The following CCR3 variants were observed in gnomAD, a reference collection of about 807,000 sequenced individuals.
CCR3 encodes the protein C-C motif chemokine receptor 3, also known as C-C chemokine receptor type 3.
For synonymous variants in CCR3, 203 were observed against 179.2 expected (o/e 1.13, Z -1.06); for missense variants, 419 against 437.5 (o/e 0.96, Z 0.38).
At chr3:46,220,136 A>T (rs1462902867) in intron 2 of CCR3, among the ~76,000 whole-genome samples, 1 of 152,214 alleles carries the variant, frequency 6.6e-6, no homozygotes, top group Non-Finnish European at 1.5e-5. Flanking sequence ...AACTTAAATC[A>T]GCAAGAAAAG....
chr3:46,263,978 C>T lies in CCR3; in HGVS notation c.-11-1170C>T, dbSNP rs141202347. The T allele has an allele frequency of 5.1e-5, 9 of 175,926 alleles. No homozygotes were observed. The East Asian group carries it at 1.5e-3, about 29-fold the overall frequency. The allele number at this position is 175,926 out of a possible 1,614,324, so 10.9% of individuals were successfully genotyped here. ...CGGCCTGTATATTCACATCTTCACC[C>T]TTGTCCCTTCCTCCTAGAAAGGAGA... On this transcript the variant is annotated intron_variant, in intron 1 of 1. Coordinates refer to ENST00000395940, the MANE Select transcript of CCR3 (RefSeq NM_178329.3).
chr3:46,252,769 CCTA>C (rs756220957), intron 1 of CCR3, among the ~76,000 whole-genome samples: 3 of 152,082 alleles, frequency 2.0e-5, no homozygotes, highest in Non-Finnish European at 4.4e-5. Flanking sequence ...AGCAATATAG[CCTA>C]CCATTAAATT....
intron 1 of CCR3, among the ~76,000 whole-genome samples, chr3:46,255,861 C>T (rs1269176330): frequency 6.6e-6 from 1 of 151,692 alleles, no homozygotes; most frequent in Non-Finnish European, 1.5e-5. Flanking sequence ...GTTCTTTTTG[C>T]TGTGTTGCTT....
chr3:46,219,732 A>T (rs1487049025), intron 2 of CCR3, among the ~76,000 whole-genome samples: 1 of 152,236 alleles, frequency 6.6e-6, no homozygotes, highest in Non-Finnish European at 1.5e-5. Context: ...AAAAACATAA[A>T]GTGGGGAAAG....
intron 2 of CCR3, among the ~76,000 whole-genome samples, chr3:46,211,721 C>G (rs1396068117): frequency 6.6e-6 from 1 of 152,142 alleles, no homozygotes; most frequent in Non-Finnish European, 1.5e-5. Flanking sequence ...TCACTTTGAA[C>G]ATAGAACACA....
upstream of CCR3, among the ~76,000 whole-genome samples, chr3:46,240,942 T>C (rs2125926596): frequency 6.6e-6 from 1 of 152,360 alleles, no homozygotes; most frequent in African/African-American, 2.4e-5. Context: ...AATTTGAATA[T>C]GCTATATTGA....
In CCR3 at chr3:46,264,870, C is replaced by T. The variant is rs569623836; in HGVS notation, c.-11-278C>T. ...TGTTTTGTATTTCTTCCTTTAAATG[C>T]TTTCAGAAATCTGTATCCCCATTCT... On this transcript the variant is annotated intron_variant, in intron 1 of 1. Transcript: ENST00000395940. The T allele has an allele frequency of 6.6e-5, 29 of 439,004 alleles. 1 individual carries two copies. In the South Asian group the frequency reaches 1.1e-3, roughly 16 times the overall value. 27.2% of individuals were successfully genotyped at this position (439,004 alleles called of 1,614,324 possible).
intron 1 of CCR3, among the ~76,000 whole-genome samples, chr3:46,264,943 T>C (rs890812053): frequency 3.9e-5 from 6 of 152,212 alleles, no homozygotes; most frequent in Admixed American, 3.9e-4. Flanking sequence ...TGCCGGGTCA[T>C]GCTAACTTTG....
chr3:46,246,466 A>C (rs942519467), intron 1 of CCR3, among the ~76,000 whole-genome samples: 68 of 152,142 alleles, frequency 4.5e-4, no homozygotes, highest in African/African-American at 1.6e-3. Flanking sequence ...TCTGGCGGGC[A>C]GGAGTGGGGG....
Position 46,266,141 on chromosome 3 carries a change from T to C in CCR3, c.983T>C (p.Ile328Thr). The C allele has an allele frequency of 6.2e-7, 1 of 1,614,056 alleles. No homozygotes were observed. Among genetic ancestry groups the C allele is most frequent in the East Asian group, 2.2e-5 (1 of 44,870 alleles). ...RHLLMHLGRY[I>T]PFLPSEKLER... ...TTGCTCATGCACCTGGGCAGATACA[T>C]CCCATTCCTTCCTAGTGAGAAGCTG... Residue 328 changes from isoleucine (I) to threonine (T), a missense_variant, in exon 2 of 2, where the codon ATC becomes ACC. Transcript: ENST00000395940.
chr3:46,231,130 G>A (rs1032143566), intron 2 of CCR3, among the ~76,000 whole-genome samples: 5 of 152,036 alleles, frequency 3.3e-5, no homozygotes, highest in South Asian at 2.1e-4. Context: ...TCACCATGTT[G>A]GCCAGGATAG....
Position 46,265,447 on chromosome 3 carries a change from C to T in CCR3, c.289C>T (p.His97Tyr). Reference sequence around the variant, plus strand: ...ATTCTGGATCCACTATGTCAGGGGGCATAACTGGGTTTTTGGCCATGGCAT... The same window carrying T: ...ATTCTGGATCCACTATGTCAGGGGGTATAACTGGGTTTTTGGCCATGGCAT... ...LPFWIHYVRG[H>Y]NWVFGHGMCK... The change falls in exon 2 of 2, where the codon CAT (histidine) becomes TAT (tyrosine). Residue 97 changes from histidine to tyrosine, a missense_variant. His to Tyr is a moderately conservative substitution (Grantham distance 83). Transcript: ENST00000395940. The T allele has an allele frequency of 6.2e-7, 1 of 1,614,148 alleles. No homozygotes were observed. Among genetic ancestry groups the T allele is most frequent in the Non-Finnish European group, 8.5e-7 (1 of 1,180,026 alleles).
chr3:46,264,447 G>T, intron 1 of CCR3: 1 of 1,523,614 alleles, frequency 6.6e-7, no homozygotes, highest in South Asian at 1.2e-5. Context: ...CACAAGCCAG[G>T]TTCCTCAAGT....
Position 46,265,867 on chromosome 3 carries a change from G to A in CCR3, c.709G>A (p.Ala237Thr), listed in dbSNP as rs1261980885. The A allele has an allele frequency of 6.2e-7, 1 of 1,614,034 alleles. No individual in the cohort carries two copies. The highest frequency in any genetic ancestry group is 8.5e-7 in the Non-Finnish European group (1 of 1,179,994). The change falls in exon 2 of 2, where the codon GCC (alanine) becomes ACC (threonine). Residue 237 changes from alanine (A) to threonine (T), a missense_variant. By Grantham distance (58) the Ala-to-Thr change is moderately conservative. Coordinates refer to ENST00000395940, the MANE Select transcript of CCR3 (RefSeq NM_178329.3). ...LRCPSKKKYKAIRLIFVIMAV... is the reference protein window; with the variant it reads ...LRCPSKKKYKTIRLIFVIMAV... ...GTGCCCCAGTAAAAAAAAGTACAAG[G>A]CCATCCGGCTCATTTTTGTCATCAT...
intron 1 of CCR3, among the ~76,000 whole-genome samples, chr3:46,263,101 A>G (rs572078119): frequency 1.1e-3 from 170 of 152,366 alleles, no homozygotes; most frequent in African/African-American, 4.0e-3. Flanking sequence ...AAAAGGTTCT[A>G]TGGTTTATCA....
At chr3:46,253,189 T>C (rs1179249025) in intron 1 of CCR3, among the ~76,000 whole-genome samples, 1 of 152,180 alleles carries the variant, frequency 6.6e-6, no homozygotes, top group African/African-American at 2.4e-5. Flanking sequence ...CCGTCCCTGA[T>C]AGGAAGTCAC....
chr3:46,229,534 G>A (rs1699938758), intron 2 of CCR3, among the ~76,000 whole-genome samples: 1 of 152,160 alleles, frequency 6.6e-6, no homozygotes, highest in African/African-American at 2.4e-5. Context: ...TTAAGGACTG[G>A]AAAGCCATGG....
intron 2 of CCR3, among the ~76,000 whole-genome samples, chr3:46,233,049 T>C (rs1055911276): frequency 6.6e-6 from 1 of 152,218 alleles, no homozygotes; most frequent in East Asian, 1.9e-4. Context: ...GCCAGGCTGG[T>C]CTCGAACTCC....
At chr3:46,232,792 C>T (rs1272617561) in intron 2 of CCR3, among the ~76,000 whole-genome samples, 1 of 152,234 alleles carries the variant, frequency 6.6e-6, no homozygotes, top group Non-Finnish European at 1.5e-5. Flanking sequence ...CGTTCTCACT[C>T]CTGTCTCTTT....
Sources: gnomAD v4.1 joint callset for allele counts (sites outside exome capture counted in the v4.1 genomes callset) on GRCh38, gnomAD v4.1.1 for gene constraint, MANE v1.5 for transcripts, NCBI Gene and HGNC (gene_info 2026-07-23, HGNC 2026-07-21) for gene names.